AMY2B: variants seen among roughly 807,000 people sequenced by gnomAD.
The protein encoded by AMY2B is amylase alpha 2B.
A neutral mutation model predicts 59.3 loss-of-function variants in AMY2B; 63 were observed. That is an observed-to-expected ratio of 1.06 (90% CI 0.87 to 1.31). AMY2B has a LOEUF of 1.31. AMY2B is among the 50% of genes most tolerant of loss of function. AMY2B has a pLI of 0.00. For synonymous variants in AMY2B, 180 were observed against 198.1 expected, an observed-to-expected ratio of 0.91 and a Z score of 0.77; for missense variants, 635 against 626.7, an observed-to-expected ratio of 1.01 and a Z score of -0.14.
At chr1:103,578,140 A>G (rs1256652262) in intron 9 of AMY2B, among the ~76,000 whole-genome samples, 1 of 152,222 alleles carries the variant, frequency 6.6e-6, no homozygotes, top group Non-Finnish European at 1.5e-5. Context: ...CACAAAATAC[A>G]CAAAGTAGTT....
chr1:103,568,356 G>A (rs992567101), upstream of AMY2B: 6 of 152,214 alleles, frequency 3.9e-5, no homozygotes, highest in Admixed American at 1.3e-4. Flanking sequence ...TTAGCATTTT[G>A]TCAGGTACAA....
At chr1:103,564,482 T>G (rs1483360962) in intron 1 of AMY2B, among the ~76,000 whole-genome samples, 1 of 152,152 alleles carries the variant, frequency 6.6e-6, no homozygotes, top group Non-Finnish European at 1.5e-5. Context: ...AAAAATCATC[T>G]CGGGTAATAA....
At chr1:103,577,126 T>C (rs907833911) in intron 7 of AMY2B, among the ~76,000 whole-genome samples, 2 of 152,118 alleles carry the variant, frequency 1.3e-5, no homozygotes, top group African/African-American at 2.4e-5. Context: ...CAGTCTTAGC[T>C]ACTTAGGAGG....
upstream of AMY2B, chr1:103,570,758 A>G: frequency 4.0e-6 from 2 of 494,970 alleles, no homozygotes; most frequent in South Asian, 3.0e-5. Flanking sequence ...CATACACCTC[A>G]TGCTAGCCTC....
rs140209167 is a variant in AMY2B at position 103,575,270 on chromosome 1, T to C, written c.926T>C (p.Val309Ala). Residue 309 changes from valine to alanine, a missense_variant, in exon 6 of 10, where the codon GTC (valine) becomes GCC (alanine). By Grantham distance (64) the Val-to-Ala change is moderately conservative (BLOSUM62 0). Transcript: ENST00000684275. Reference sequence around the variant, plus strand: ...TTCATGCCTTCTGACAGAGCACTTGTCTTTGTGGATAACCATGACAATCAA... The same window carrying C: ...TTCATGCCTTCTGACAGAGCACTTGCCTTTGTGGATAACCATGACAATCAA... ...WGFMPSDRAL[V>A]FVDNHDNQRG... is the part of the protein sequence containing the mutation. The C allele has an allele frequency of 2.3e-3, 3,713 of 1,613,632 alleles. 7 individuals carry two copies. Among genetic ancestry groups the C allele is most frequent in the Middle Eastern group, 4.0e-3 (24 of 6,052 alleles).
chr1:103,571,526 A>G, upstream of AMY2B: 2 of 1,585,052 alleles, frequency 1.3e-6, no homozygotes, highest in African/African-American at 1.3e-5. Flanking sequence ...ATTCATGCTA[A>G]TATTTACTTT....
intron 1 of AMY2B, among the ~76,000 whole-genome samples, chr1:103,564,795 A>G (rs1651853236): frequency 6.6e-6 from 1 of 151,968 alleles, no homozygotes; most frequent in South Asian, 2.1e-4. Flanking sequence ...CTTTCTTCAT[A>G]TCTTTTTTTA....
intron 4 of AMY2B, 110 bp from the exon 5 acceptor site, chr1:103,574,150 T>C: frequency 6.6e-7 from 1 of 1,509,564 alleles, no homozygotes; most frequent in Non-Finnish European, 8.9e-7. Flanking sequence ...GCTTAATTTA[T>C]TAATAAATAA....
At chr1:103,560,397 T>C (rs1651696966) in intron 1 of AMY2B, among the ~76,000 whole-genome samples, 1 of 152,194 alleles carries the variant, frequency 6.6e-6, no homozygotes. Flanking sequence ...AAAGCCTCAC[T>C]GTCTTTCCTT....
At chr1:103,572,082 G>T (rs767696159) in intron 1 of AMY2B, 28 bp from the exon 2 acceptor site, 1 of 1,611,424 alleles carries the variant, frequency 6.2e-7, no homozygotes. Flanking sequence ...TAAGAATTTG[G>T]TAGTTATGAA....
rs1652306501 is a variant in AMY2B, at chr1:103,575,303, A to G, written c.959A>G (p.His320Arg). The change falls in exon 6 of 10, where the codon CAT becomes CGT. Residue 320 changes from histidine (H) to arginine (R), a missense_variant. His to Arg is a conservative substitution (Grantham distance 29). Coordinates refer to ENST00000684275, the MANE Select transcript of AMY2B (RefSeq NM_001387437.1). Reference sequence around the variant, plus strand: ...GATAACCATGACAATCAACGAGGACATGGGGCTGGAGGAGCCTCTATTCTT... The same window carrying G: ...GATAACCATGACAATCAACGAGGACGTGGGGCTGGAGGAGCCTCTATTCTT... ...FVDNHDNQRGHGAGGASILTF... is the reference protein window; with the variant it reads ...FVDNHDNQRGRGAGGASILTF... 2 of 1,613,680 alleles carry G rather than the reference A, an allele frequency of 1.2e-6. No homozygotes were observed. The highest frequency in any genetic ancestry group is 4.5e-5 in the East Asian group (2 of 44,850).
chr1:103,562,384 G>T (rs1398781364), intron 1 of AMY2B, among the ~76,000 whole-genome samples: 1 of 152,072 alleles, frequency 6.6e-6, no homozygotes, highest in Non-Finnish European at 1.5e-5. Context: ...CTGAGTTCAG[G>T]TTTATTTTCT....
intron 1 of AMY2B, 116 bp downstream of exon 1, chr1:103,571,886 AAG>A: frequency 6.3e-7 from 1 of 1,594,880 alleles, no homozygotes. Context: ...TATTCTAAGT[AAG>A]AGTTTTCTGA....
intron 1 of AMY2B, 97 bp downstream of exon 1, chr1:103,571,867 A>G: frequency 6.2e-7 from 1 of 1,608,994 alleles, no homozygotes; most frequent in Admixed American, 1.7e-5. Flanking sequence ...ATTTTACTTC[A>G]CAGGTAAGTA....
chr1:103,560,490 T>C (rs748229365), intron 1 of AMY2B, among the ~76,000 whole-genome samples: 5 of 152,156 alleles, frequency 3.3e-5, no homozygotes, highest in Non-Finnish European at 5.9e-5. Context: ...TGTCTAAAAA[T>C]GCATTTAGCA....
chr1:103,575,009 A>T (rs1452593854), intron 5 of AMY2B, among the ~76,000 whole-genome samples: 3 of 149,852 alleles, frequency 2.0e-5, no homozygotes, highest in African/African-American at 7.3e-5. Context: ...ACGTGTGTGT[A>T]TATGGTGTGT....
chr1:103,574,509 TTAATGA>T, intron 5 of AMY2B, 116 bp downstream of exon 5: 2 of 1,574,842 alleles, frequency 1.3e-6, no homozygotes, highest in Non-Finnish European at 8.6e-7. Context: ...GAGTCAATTG[TTAATGA>T]TAAGTATTCT....
chr1:103,560,605 T>G (rs954104819), intron 1 of AMY2B, among the ~76,000 whole-genome samples: 3 of 152,180 alleles, frequency 2.0e-5, no homozygotes, highest in African/African-American at 7.2e-5. Context: ...CCCATGCATA[T>G]TCTCACAGTC....
exon 2 of AMY2B, chr1:103,565,488 A>G (rs1651878246): frequency 6.6e-6 from 1 of 152,160 alleles, no homozygotes; most frequent in Non-Finnish European, 1.5e-5. Context: ...GACTATATAC[A>G]CCATGTTTTT....
Sources: gnomAD v4.1 joint callset for allele counts (sites outside exome capture counted in the v4.1 genomes callset) on GRCh38, gnomAD v4.1.1 for gene constraint, MANE v1.5 for transcripts, NCBI Gene and HGNC (gene_info 2026-07-23, HGNC 2026-07-21) for gene names.